SHC2: variants seen among roughly 807,000 people sequenced by gnomAD.
SHC2 encodes the protein SHC-transforming protein 2.
A neutral mutation model predicts 60.6 loss-of-function variants in SHC2; 62 were observed. That is an observed-to-expected ratio of 1.02 (90% CI 0.83 to 1.26). The LOEUF (loss-of-function observed/expected upper bound fraction) is 1.26, where lower values mean the gene tolerates loss of function less well. Among genes scored for constraint, SHC2 ranks in the 50% most tolerant of loss-of-function variants. The pLI, the probability that SHC2 is intolerant of heterozygous loss-of-function variation, is 0.00. For missense variants in SHC2, 873 were observed against 822.2 expected, an observed-to-expected ratio of 1.06 and a Z score of -0.76; for synonymous variants, 375 against 372.4, an observed-to-expected ratio of 1.01 and a Z score of -0.08.
chr19:420,083 T>C (rs1377249351), intron 11 of SHC2, among the ~76,000 whole-genome samples: 1 of 152,194 alleles, frequency 6.6e-6, no homozygotes, highest in Non-Finnish European at 1.5e-5. Flanking sequence ...AAGGTACTGG[T>C]AGACGTTCTG....
chr19:450,341 T>G (rs1164446890), intron 1 of SHC2, among the ~76,000 whole-genome samples: 1 of 152,218 alleles, frequency 6.6e-6, no homozygotes, highest in Non-Finnish European at 1.5e-5. Flanking sequence ...TTTTTTATTG[T>G]GGTAAAACAC....
chr19:418,692 G>A (rs1877809782), intron 12 of SHC2, among the ~76,000 whole-genome samples: 1 of 152,162 alleles, frequency 6.6e-6, no homozygotes, highest in African/African-American at 2.4e-5. Context: ...TGTGGGGTTG[G>A]AGCTGGGGAG....
At chr19:451,081 T>C (rs542475565) in intron 1 of SHC2, among the ~76,000 whole-genome samples, 12 of 126,800 alleles carry the variant, frequency 9.5e-5, no homozygotes, top group African/African-American at 4.1e-4. Flanking sequence ...CGTGGCCACG[T>C]CGTATTTTAG....
chr19:449,660 C>T (rs1224981315), intron 1 of SHC2, among the ~76,000 whole-genome samples: 2 of 151,576 alleles, frequency 1.3e-5, no homozygotes, highest in Non-Finnish European at 2.9e-5. Context: ...CAGTGGGAGC[C>T]TAAGGTAGGA....
At chr19:447,169 C>T (rs950852435) in intron 1 of SHC2, among the ~76,000 whole-genome samples, 2 of 152,232 alleles carry the variant, frequency 1.3e-5, no homozygotes, top group East Asian at 1.9e-4. Context: ...GTCTCCGATA[C>T]GGGCCATGGC....
At position 446,623 on chromosome 19, in the gene SHC2, C is replaced by A. The variant is rs893843957; in HGVS notation, c.469-5691G>T. ...CCCGGCTGTCTGTGTTGTTTTAAGC[C>A]CCACAGTTTGTGGTGGTTTGTGGTG... On this transcript the variant is annotated intron_variant, in intron 1 of 12. Coordinates refer to ENST00000264554, the MANE Select transcript of SHC2 (RefSeq NM_012435.3). This position sits in a 1 kb window ranked among gnomAD's most constrained non-coding sequence, Gnocchi z 5.4. 2.0e-5 allele frequency among the ~76,000 whole-genome samples: 3 copies of A among 152,164 alleles called. No individual in the cohort carries two copies. The highest frequency in any genetic ancestry group is 2.9e-5 in the Non-Finnish European group (2 of 68,028).
chr19:431,027 G>A (rs1040315179), intron 8 of SHC2, among the ~76,000 whole-genome samples: 26 of 152,162 alleles, frequency 1.7e-4, no homozygotes, highest in East Asian at 3.8e-4. Context: ...AACCTTCCCC[G>A]CTCTGCTCTC....
In SHC2 at chr19:458,211, G is replaced by A. The variant is rs1256006517; in HGVS notation, c.468+2318C>T. Among the ~76,000 whole-genome samples the A allele has an allele frequency of 3.1e-5, 4 of 131,024 alleles. 1 individual carries two copies. The highest frequency in any genetic ancestry group is 6.6e-5 in the Non-Finnish European group (4 of 60,450). The allele number at this position is 131,024 out of a possible 152,430, so 86.0% of individuals were successfully genotyped here. A position where few individuals can be genotyped will look rare whatever the true frequency, so the allele number is the denominator to read the frequency against. Reference sequence around the variant, plus strand: ...GGGGGACGGGGAAGTGGGTTCCGGGGAGGCAGACGCGGGTTCCGGCGGAGG... The same window carrying A: ...GGGGGACGGGGAAGTGGGTTCCGGGAAGGCAGACGCGGGTTCCGGCGGAGG... On this transcript the variant is annotated intron_variant, in intron 1 of 12. Transcript: ENST00000264554.
chr19:452,721 T>C (rs1369169686), intron 1 of SHC2, among the ~76,000 whole-genome samples: 3 of 152,208 alleles, frequency 2.0e-5, no homozygotes, highest in Non-Finnish European at 4.4e-5. Context: ...TGGTAGTTGA[T>C]CGGCAGGACG....
chr19:427,863 CTG>C (rs1974461624), intron 9 of SHC2, among the ~76,000 whole-genome samples: 1 of 99,048 alleles, frequency 1.0e-5, no homozygotes. Context: ...GAAGGGGGAA[CTG>C]CACACGGCAC....
Position 436,663 on chromosome 19 carries a change from C to T in SHC2, c.741G>A (p.Met247Ile). The T allele has an allele frequency of 6.2e-7, 1 of 1,607,244 alleles. No homozygotes were observed. ...CGCCTGACGCGAAGGAGATGGACGG[C>T]ATGTGGTGGTTGGCGATGACCTGTG... is the stretch of plus-strand genomic sequence containing the variant. Reference protein sequence around the residue: ...ATRQVIANHHMPSISFASGGD... With the variant: ...ATRQVIANHHIPSISFASGGD... Residue 247 changes from methionine (M) to isoleucine (I), a missense_variant, in exon 5 of 13, where the codon ATG becomes ATA. Met to Ile is a conservative substitution (Grantham distance 10). Transcript: ENST00000264554.
At chr19:456,410 C>G (rs1276373957) in intron 1 of SHC2, among the ~76,000 whole-genome samples, 1 of 152,134 alleles carries the variant, frequency 6.6e-6, no homozygotes, top group Non-Finnish European at 1.5e-5. Flanking sequence ...TCCACTTCTC[C>G]CCTCACCTAG....
At position 438,991 on chromosome 19, in the gene SHC2, G is replaced by A. The variant is rs1163972668; in HGVS notation, c.579C>T (p.Val193=). 2 of 1,602,186 alleles carry A rather than the reference G, an allele frequency of 1.2e-6. No homozygotes were observed. Among genetic ancestry groups the A allele is most frequent in the Non-Finnish European group, 1.7e-6 (2 of 1,175,094 alleles). The change falls in exon 3 of 13, where the codon GTC becomes GTT. Residue 193 remains valine, a synonymous_variant. Transcript: ENST00000264554. This position sits in a 1 kb window ranked among gnomAD's most constrained non-coding sequence, Gnocchi z 5.0. ...TCACCTTTTTCTTCCAGGATCCCCGGACGCCAGGCACGGCCTCATGGAGCC... is the reference window on the plus strand; with the variant it reads ...TCACCTTTTTCTTCCAGGATCCCCGAACGCCAGGCACGGCCTCATGGAGCC... ...INRLHEAVPG[V]RGSWKKKAPN...
chr19:448,286 CCCAGAG>C (rs1243557601), intron 1 of SHC2, among the ~76,000 whole-genome samples: 3 of 152,226 alleles, frequency 2.0e-5, no homozygotes, highest in Non-Finnish European at 4.4e-5. Context: ...CTCTCCACGT[CCCAGAG>C]CCGGGAGTCT....
intron 8 of SHC2, among the ~76,000 whole-genome samples, 175 bp from the exon 9 acceptor site, chr19:430,922 C>T (rs1035596060): frequency 6.6e-6 from 1 of 152,204 alleles, no homozygotes; most frequent in Non-Finnish European, 1.5e-5. Flanking sequence ...GGGTCTGCCG[C>T]CCACCTCTGC....
At position 425,036 on chromosome 19, in the gene SHC2, C is replaced by A; in HGVS notation, c.1309+61G>T. The A allele has an allele frequency of 4.5e-6, 6 of 1,329,090 alleles. No individual in the cohort carries two copies. Among genetic ancestry groups the A allele is most frequent in the Non-Finnish European group, 5.8e-6 (6 of 1,026,684 alleles). 82.3% of individuals were successfully genotyped at this position (1,329,090 alleles called of 1,614,324 possible). A position where few individuals can be genotyped will look rare whatever the true frequency, so the allele number is the denominator to read the frequency against. The stretch of plus-strand genomic sequence containing the variant: ...CGTAGGGAGTGGGGGTGGGGTTGTG[C>A]CTCCCCCATCAGACAACACGGCCAC... On this transcript the variant is annotated intron_variant, in intron 10 of 12. Transcript: ENST00000264554. The surrounding 1 kb of genome is among the most constrained non-coding windows in gnomAD (Gnocchi z 4.1).
Position 424,953 on chromosome 19 carries a change from G to C in SHC2, c.1309+144C>G, listed in dbSNP as rs1006583120. 1 of 909,736 alleles carries C rather than the reference G, an allele frequency of 1.1e-6. No homozygotes were observed. The allele number at this position is 909,736 out of a possible 1,614,324, so 56.4% of individuals were successfully genotyped here. A position where few individuals can be genotyped will look rare whatever the true frequency, so the allele number is the denominator to read the frequency against. On this transcript the variant is annotated intron_variant, in intron 10 of 12. Transcript: ENST00000264554. This position sits in a 1 kb window ranked among gnomAD's most constrained non-coding sequence, Gnocchi z 4.5. ...CAGACTGGGCTTCCCCGTCCCACCC[G>C]TCGACTTGAAGGATCTCACGGGGAG... is the stretch of plus-strand genomic sequence containing the variant.
intron 1 of SHC2, among the ~76,000 whole-genome samples, chr19:455,760 G>A (rs1975327960): frequency 6.6e-6 from 1 of 152,166 alleles, no homozygotes; most frequent in Non-Finnish European, 1.5e-5. Context: ...GCGTCCTGAG[G>A]GGCCCACATC....
At position 422,200 on chromosome 19, in the gene SHC2, G is replaced by A. The variant is rs60093283; in HGVS notation, c.1566C>T (p.Thr522=). ...SVTNPGQYVL[T]GMHAGQPKHL... is the part of the protein sequence containing the mutation. The stretch of plus-strand genomic sequence containing the variant: ...GCTTGGGCTGCCCGGCGTGCATGCC[G>A]GTGAGGACATACTGCCCGGGGTTGG... The change falls in exon 11 of 13, where the codon ACC becomes ACT. Residue 522 remains threonine, a synonymous_variant. Transcript: ENST00000264554. The surrounding 1 kb of genome is among the most constrained non-coding windows in gnomAD (Gnocchi z 5.0). The A allele has an allele frequency of 1.3e-5, 21 of 1,612,442 alleles. No individual in the cohort carries two copies. Among genetic ancestry groups the A allele is most frequent in the African/African-American group, 5.3e-5 (4 of 74,908 alleles).
Sources: allele counts gnomAD v4.1 joint callset (sites outside exome capture counted in the v4.1 genomes callset), GRCh38; gene constraint gnomAD v4.1.1; non-coding constraint Gnocchi (gnomAD v3.1); transcripts MANE v1.5; gene names NCBI Gene and HGNC (gene_info 2026-07-23, HGNC 2026-07-21).